PCSK6: variants seen among roughly 807,000 people sequenced by gnomAD.
PCSK6 encodes proprotein convertase subtilisin/kexin type 6.
A neutral mutation model predicts 123.3 loss-of-function variants in PCSK6; 85 were observed. The observed-to-expected ratio is 0.69, with a 90% CI of 0.58 to 0.83. PCSK6 has a LOEUF of 0.83. Among genes scored for constraint, PCSK6 ranks in the 40% least tolerant of loss-of-function variants. The pLI is 0.00. For missense variants in PCSK6, 1,191 were observed against 1,282.3 expected, an observed-to-expected ratio of 0.93 and a Z score of 1.09; for synonymous variants, 508 against 516.0, an observed-to-expected ratio of 0.98 and a Z score of 0.21.
Position 101,324,840 on chromosome 15 carries a change from A to G in PCSK6, c.2377+10T>C, listed in dbSNP as rs1346015509. The G allele has an allele frequency of 6.2e-7, 1 of 1,605,678 alleles. No homozygotes were observed. Among genetic ancestry groups the G allele is most frequent in the South Asian group, 1.1e-5 (1 of 90,704 alleles). ...TCATCAGTTCTTGTACCCACAAACA[A>G]GCCACTTACTTTCATCAGCATAAAA... On this transcript the variant is annotated intron_variant, in intron 17 of 21. Transcript: ENST00000611716.
chr15:101,364,517 A>C (rs750395654), intron 13 of PCSK6, among the ~76,000 whole-genome samples: 3 of 152,250 alleles, frequency 2.0e-5, no homozygotes, highest in Non-Finnish European at 2.9e-5. Flanking sequence ...CAGAGAAATA[A>C]ACAATCCAAA....
At chr15:101,456,726 G>A (rs1383086613) in intron 1 of PCSK6, among the ~76,000 whole-genome samples, 2 of 152,210 alleles carry the variant, frequency 1.3e-5, no homozygotes, top group Admixed American at 6.5e-5. Context: ...TAGCAGTGGA[G>A]GGAACATCTT....
chr15:101,427,890 A>G lies in PCSK6; in HGVS notation c.823+2T>C. 2.6e-6 allele frequency: 4 copies of G among 1,565,080 alleles called. No individual in the cohort carries two copies. The highest frequency in any genetic ancestry group is 1.2e-5 in the South Asian group (1 of 84,942). Reference sequence around the variant, plus strand: ...CTCGCAGGCTGCCACGCCCGGCCTTACCTCCTATTTTGGCATTGTACGCTA... The same window carrying G: ...CTCGCAGGCTGCCACGCCCGGCCTTGCCTCCTATTTTGGCATTGTACGCTA... On this transcript the variant is annotated splice_donor_variant, in intron 6 of 21. Transcript: ENST00000611716. LOFTEE classifies it high-confidence loss of function.
At chr15:101,455,421 C>T (rs2057154481) in intron 1 of PCSK6, among the ~76,000 whole-genome samples, 1 of 152,236 alleles carries the variant, frequency 6.6e-6, no homozygotes, top group Non-Finnish European at 1.5e-5. Context: ...AACAAGGACA[C>T]AGGAAGGAGG....
At chr15:101,433,142 C>T (rs575529785) in intron 2 of PCSK6, among the ~76,000 whole-genome samples, 2 of 152,354 alleles carry the variant, frequency 1.3e-5, no homozygotes, top group African/African-American at 4.8e-5. Flanking sequence ...CAGCCCCGTG[C>T]TCACCAGCTG....
chr15:101,485,957 ATTTT>A (rs11303524), intron 1 of PCSK6, among the ~76,000 whole-genome samples: 3 of 116,106 alleles, frequency 2.6e-5, no homozygotes, highest in Admixed American at 9.4e-5. Context: ...ATTTATTTAA[ATTTT>A]TTTTTTTTTT....
At chr15:101,387,005 A>ATACTCCTT (rs1434296883) in intron 9 of PCSK6, among the ~76,000 whole-genome samples, 4 of 152,104 alleles carry the variant, frequency 2.6e-5, no homozygotes, top group African/African-American at 7.2e-5. Context: ...AGTCTTGGGT[A>ATACTCCTT]TACTCCTTCC....
At position 101,389,557 on chromosome 15, in the gene PCSK6, G is replaced by C; in HGVS notation, c.1217C>G (p.Thr406Arg). 1 of 1,611,072 alleles carries C rather than the reference G, an allele frequency of 6.2e-7. No homozygotes were observed. The highest frequency in any genetic ancestry group is 8.5e-7 in the Non-Finnish European group (1 of 1,177,786). Residue 406 changes from threonine (T) to arginine (R), a missense_variant, in exon 9 of 22, where the codon ACG becomes AGG. Physicochemically the swap from Thr to Arg is moderately conservative, Grantham distance 71. This residue lies in a region of PCSK6 where 357 missense variants were observed against 484.5 expected (regional missense o/e 0.74). Coordinates refer to ENST00000611716, the MANE Select transcript of PCSK6 (RefSeq NM_002570.5). ...GAFYERKIVTTDLRQRCTDGH... is the reference protein window; with the variant it reads ...GAFYERKIVTRDLRQRCTDGH... ...ATCGGTACAGCGCTGACGCAGATCC[G>C]TGGTGACCTGGGGGAGAGAGAAGCA...
intron 1 of PCSK6, among the ~76,000 whole-genome samples, chr15:101,475,971 T>C (rs1181323953): frequency 6.6e-6 from 1 of 152,230 alleles, no homozygotes; most frequent in African/African-American, 2.4e-5. Context: ...GGGAGAGCCA[T>C]GGCCAACATC....
intron 13 of PCSK6, among the ~76,000 whole-genome samples, chr15:101,335,425 A>G (rs2040457440): frequency 2.0e-5 from 3 of 152,252 alleles, no homozygotes; most frequent in Admixed American, 2.0e-4. Context: ...TCTCTGAATA[A>G]GTAATATACA....
intron 6 of PCSK6, among the ~76,000 whole-genome samples, chr15:101,408,634 C>T (rs897371587): frequency 6.6e-6 from 1 of 152,320 alleles, no homozygotes; most frequent in South Asian, 2.1e-4. Context: ...CGCTCCCTGA[C>T]AGCAGCAGCT....
At position 101,370,482 on chromosome 15, in the gene PCSK6, G is replaced by T. The variant is rs1244014412; in HGVS notation, c.1574C>A (p.Thr525Asn). The T allele has an allele frequency of 1.3e-6, 2 of 1,544,140 alleles. No individual in the cohort carries two copies. The highest frequency in any genetic ancestry group is 1.8e-6 in the Non-Finnish European group (2 of 1,142,638). Residue 525 changes from threonine to asparagine, a missense_variant, in exon 12 of 22, where the codon ACC (threonine) becomes AAC (asparagine). Physicochemically the swap from Thr to Asn is moderately conservative, Grantham distance 65. Coordinates refer to ENST00000611716, the MANE Select transcript of PCSK6 (RefSeq NM_002570.5). ...GTCCGAGTGCTCCGCGCAGGCGCTGGTCAGGGCCGTAGTCCGCAGCACCTG... is the reference window on the plus strand; with the variant it reads ...GTCCGAGTGCTCCGCGCAGGCGCTGTTCAGGGCCGTAGTCCGCAGCACCTG... Reference protein sequence around the residue: ...LVQVLRTTALTSACAEHSDQR... With the variant: ...LVQVLRTTALNSACAEHSDQR...
At chr15:101,430,989 T>C (rs987162453) in intron 4 of PCSK6, among the ~76,000 whole-genome samples, 1 of 152,210 alleles carries the variant, frequency 6.6e-6, no homozygotes, top group Non-Finnish European at 1.5e-5. Context: ...AGAGCCCGTG[T>C]TTTCACACTG....
chr15:101,325,505 C>G (rs566223904), intron 16 of PCSK6, among the ~76,000 whole-genome samples: 1 of 152,192 alleles, frequency 6.6e-6, no homozygotes, highest in Non-Finnish European at 1.5e-5. Context: ...TGACCTTGCA[C>G]GGCCGCACCC....
At position 101,393,481 on chromosome 15, in the gene PCSK6, C is replaced by A. The variant is rs2042297632; in HGVS notation, c.997-57G>T. The A allele has an allele frequency of 7.8e-6, 11 of 1,406,026 alleles. No homozygotes were observed. In the South Asian group the frequency reaches 1.3e-4, roughly 16 times the overall value. The allele number at this position is 1,406,026 out of a possible 1,614,324, so 87.1% of individuals were successfully genotyped here. On this transcript the variant is annotated intron_variant, in intron 7 of 21. Coordinates refer to ENST00000611716, the MANE Select transcript of PCSK6 (RefSeq NM_002570.5). The stretch of plus-strand genomic sequence containing the variant: ...CGCAGCAGAACCTCGTAGGGTGGGT[C>A]TCCCCCCGAACCTAGAGTCCCATCT...
intron 19 of PCSK6, among the ~76,000 whole-genome samples, chr15:101,315,830 C>T (rs767988089): frequency 6.6e-6 from 1 of 152,254 alleles, no homozygotes; most frequent in Non-Finnish European, 1.5e-5. Flanking sequence ...GCTGTGCCAG[C>T]AGCCCCGAAG....
intron 11 of PCSK6, among the ~76,000 whole-genome samples, chr15:101,375,204 C>T (rs570737788): frequency 2.6e-5 from 4 of 152,164 alleles, no homozygotes; most frequent in Non-Finnish European, 4.4e-5. Flanking sequence ...CCGCCCGCCT[C>T]GGCCTCCCAA....
chr15:101,329,717 CCA>C (rs2040334577), intron 15 of PCSK6, among the ~76,000 whole-genome samples: 1 of 152,238 alleles, frequency 6.6e-6, no homozygotes, highest in African/African-American at 2.4e-5. Context: ...GTGTGGATGA[CCA>C]CAGTGTCCTG....
chr15:101,425,151 C>T (rs113305224), intron 6 of PCSK6, among the ~76,000 whole-genome samples: 6 of 152,182 alleles, frequency 3.9e-5, no homozygotes, highest in African/African-American at 1.2e-4. Flanking sequence ...GAGACAATTA[C>T]GTCTGCGGCG....
Sources: allele counts gnomAD v4.1 joint callset (sites outside exome capture counted in the v4.1 genomes callset), GRCh38; gene constraint gnomAD v4.1.1; regional missense constraint gnomAD v4.1.1; transcripts MANE v1.5; gene names NCBI Gene and HGNC (gene_info 2026-07-23, HGNC 2026-07-21).